CMYA5: variants seen among roughly 807,000 people sequenced by gnomAD.
The protein encoded by CMYA5 is cardiomyopathy-associated protein 5.
CMYA5 carries 246 observed loss-of-function variants against 318.9 expected under a neutral mutation model. That is an observed-to-expected ratio of 0.77 (90% CI 0.70 to 0.86). The LOEUF is 0.86. CMYA5 is among the 40% of genes least tolerant of loss of function. CMYA5 has a pLI of 0.00. For missense variants in CMYA5, 4,589 were observed against 4,678.2 expected (o/e 0.98, Z 0.56); for synonymous variants, 1,641 against 1,729.5 (o/e 0.95, Z 1.27).
intron 1 of CMYA5, among the ~76,000 whole-genome samples, chr5:79,726,434 A>G (rs16877086): frequency 0.22 from 33,292 of 152,068 alleles, 6,492 homozygotes; most frequent in African/African-American, 0.51. Flanking sequence ...AGAGCCTGAA[A>G]AAACAGTTTA....
intron 6 of CMYA5, among the ~76,000 whole-genome samples, chr5:79,758,300 G>A (rs973746147): frequency 6.6e-6 from 1 of 151,814 alleles, no homozygotes; most frequent in Non-Finnish European, 1.5e-5. Flanking sequence ...GGGAGGCCGA[G>A]GTGGGTGGAT....
intron 6 of CMYA5, among the ~76,000 whole-genome samples, chr5:79,757,967 C>A (rs566168465): frequency 8.5e-4 from 130 of 152,322 alleles, no homozygotes; most frequent in South Asian, 2.5e-3. Flanking sequence ...CGGTGGCTCA[C>A]GCCTGTAATC....
intron 12 of CMYA5, among the ~76,000 whole-genome samples, chr5:79,798,695 C>T (rs905604174): frequency 3.3e-5 from 5 of 152,066 alleles, no homozygotes; most frequent in Admixed American, 3.3e-4. Flanking sequence ...CTTCACATGC[C>T]CCAGAGTGCC....
At chr5:79,793,299 GA>G in intron 11 of CMYA5, 137 bp from the exon 12 acceptor site, 1 of 768,680 alleles carries the variant, frequency 1.3e-6, no homozygotes. Flanking sequence ...ACAATGAACA[GA>G]GTATCTTTAG....
chr5:79,724,759 A>T lies in CMYA5; in HGVS notation c.150-4156A>T, dbSNP rs758664369. On this transcript the variant is annotated intron_variant, in intron 1 of 12. Transcript: ENST00000446378. ...TCTTCTGTTAATACATTGTTTCTTTAGACTGAGTGTAATACTGCCATGGCT... is the reference window on the plus strand; with the variant it reads ...TCTTCTGTTAATACATTGTTTCTTTTGACTGAGTGTAATACTGCCATGGCT... Among the ~76,000 whole-genome samples, 13 of 152,218 alleles carry T rather than the reference A, an allele frequency of 8.5e-5. 1 individual carries two copies. The highest frequency in any genetic ancestry group is 2.6e-4 in the Admixed American group (4 of 15,282).
intron 12 of CMYA5, among the ~76,000 whole-genome samples, chr5:79,796,024 G>T (rs928715111): frequency 6.6e-6 from 1 of 152,172 alleles, no homozygotes; most frequent in Non-Finnish European, 1.5e-5. Flanking sequence ...AAGCAGGGCT[G>T]GTCAGGTTCT....
At chr5:79,774,754 G>A (rs1458450301) in intron 9 of CMYA5, among the ~76,000 whole-genome samples, 4 of 152,184 alleles carry the variant, frequency 2.6e-5, no homozygotes, top group Non-Finnish European at 5.9e-5. Context: ...GGCCCCACCT[G>A]GTGGAGCAGG....
Position 79,729,698 on chromosome 5 carries a change from A to G in CMYA5, c.933A>G (p.Ser311=). 1 of 1,613,962 alleles carries G rather than the reference A, an allele frequency of 6.2e-7. No homozygotes were observed. Among genetic ancestry groups the G allele is most frequent in the Non-Finnish European group, 8.5e-7 (1 of 1,179,858 alleles). ...PPWRGALSKG[S]ESLTLMFSHE... is the part of the protein sequence containing the mutation. ...GGAGAGGCGCACTCTCCAAAGGATC[A>G]GAGTCCCTAACCTTAATGTTCAGTC... is the stretch of plus-strand genomic sequence containing the variant. The change falls in exon 2 of 13, where the codon TCA becomes TCG. Residue 311 remains serine, a synonymous_variant. Transcript: ENST00000446378.
chr5:79,750,708 T>G (rs1828413103), intron 5 of CMYA5, among the ~76,000 whole-genome samples: 1 of 152,220 alleles, frequency 6.6e-6, no homozygotes, highest in South Asian at 2.1e-4. Flanking sequence ...AAATGCTGTT[T>G]GTTGAGGGGA....
intron 1 of CMYA5, among the ~76,000 whole-genome samples, chr5:79,696,864 G>A (rs962289452): frequency 7.2e-5 from 11 of 152,050 alleles, no homozygotes; most frequent in Non-Finnish European, 1.5e-4. Context: ...AAAATTAGCC[G>A]GGCATGGTGG....
intron 5 of CMYA5, 21 bp downstream of exon 5, chr5:79,747,134 T>C: frequency 6.5e-7 from 1 of 1,539,974 alleles, no homozygotes; most frequent in Non-Finnish European, 8.8e-7. Context: ...CATGATACAA[T>C]GTAGTGGCAA....
intron 4 of CMYA5, among the ~76,000 whole-genome samples, chr5:79,746,074 G>A (rs566973324): frequency 1.3e-5 from 2 of 152,312 alleles, no homozygotes; most frequent in Admixed American, 6.5e-5. Flanking sequence ...ACACCTCTGT[G>A]CTCCCTGCAA....
chr5:79,757,194 C>CA (rs35929144), intron 6 of CMYA5, among the ~76,000 whole-genome samples: 24,963 of 84,038 alleles, frequency 0.3, 2,632 homozygotes, highest in East Asian at 0.38. Flanking sequence ...GACTCCATCT[C>CA]AAAAAAAAAA....
rs114415274 is a variant in CMYA5, at chr5:79,799,660, G to T, written c.*44G>T. Reference sequence around the variant, plus strand: ...TGCAAGAACAGCGATTTGAATTTTGGGGGGGTCTGCTGTTCATTCCTTTAG... The same window carrying T: ...TGCAAGAACAGCGATTTGAATTTTGTGGGGGTCTGCTGTTCATTCCTTTAG... On this transcript the variant is annotated 3_prime_UTR_variant, in exon 13 of 13. Transcript: ENST00000446378. 9 of 1,573,666 alleles carry T rather than the reference G, an allele frequency of 5.7e-6. No homozygotes were observed. Among genetic ancestry groups the T allele is most frequent in the Middle Eastern group, 1.7e-4 (1 of 5,942 alleles).
In CMYA5 at chr5:79,747,067, C is replaced by T. The variant is rs371950530; in HGVS notation, c.10969-24C>T. 1.0e-5 allele frequency: 14 copies of T among 1,359,228 alleles called. No homozygotes were observed. In the African/African-American group the frequency reaches 2.0e-4, roughly 20 times the overall value. 84.2% of individuals were successfully genotyped at this position (1,359,228 alleles called of 1,614,324 possible). A position where few individuals can be genotyped will look rare whatever the true frequency, so the allele number is the denominator to read the frequency against. Reference sequence around the variant, plus strand: ...CTCTCTTTTTCTCTCTTCTCCTCCTCCTTCCTCTCTCTTTCTCCCTAAGTC... The same window carrying T: ...CTCTCTTTTTCTCTCTTCTCCTCCTTCTTCCTCTCTCTTTCTCCCTAAGTC... On this transcript the variant is annotated intron_variant, in intron 4 of 12. Transcript: ENST00000446378.
At chr5:79,759,862 G>C (rs1443207230) in intron 7 of CMYA5, among the ~76,000 whole-genome samples, 1 of 152,198 alleles carries the variant, frequency 6.6e-6, no homozygotes, top group Non-Finnish European at 1.5e-5. Flanking sequence ...ATGGTGTAAA[G>C]TTGGCTAAAT....
At chr5:79,717,581 C>T (rs1326955207) in intron 1 of CMYA5, among the ~76,000 whole-genome samples, 1 of 152,068 alleles carries the variant, frequency 6.6e-6, no homozygotes, top group Non-Finnish European at 1.5e-5. Flanking sequence ...AGAAAGATAT[C>T]AGCAAAGGCA....
chr5:79,728,385 T>C (rs1827793819), intron 1 of CMYA5, among the ~76,000 whole-genome samples: 1 of 151,778 alleles, frequency 6.6e-6, no homozygotes, highest in African/African-American at 2.4e-5. Context: ...GGTGGCATAC[T>C]GAGCTGGTTA....
chr5:79,745,292 A>G lies in CMYA5; in HGVS notation c.10805A>G (p.Gln3602Arg), dbSNP rs1207833314. 1 of 1,613,486 alleles carries G rather than the reference A, an allele frequency of 6.2e-7. No individual in the cohort carries two copies. The highest frequency in any genetic ancestry group is 8.5e-7 in the Non-Finnish European group (1 of 1,179,602). The change falls in exon 4 of 13, where the codon CAG (glutamine) becomes CGG (arginine). Residue 3602 changes from glutamine (Q) to arginine (R), a missense_variant. Transcript: ENST00000446378. ...GAAATGATGAAGAAGGTTTTAGCAC[A>G]GTATGATGAGAAAGCCCAGAGCTTT... ...NEEMMKKVLAQYDEKAQSFEE... is the reference protein window; with the variant it reads ...NEEMMKKVLARYDEKAQSFEE...
Sources: gnomAD v4.1 joint callset for allele counts (sites outside exome capture counted in the v4.1 genomes callset) on GRCh38, gnomAD v4.1.1 for gene constraint, MANE v1.5 for transcripts, NCBI Gene and HGNC (gene_info 2026-07-23, HGNC 2026-07-21) for gene names.